PLEKHG1: variants seen among roughly 807,000 people sequenced by gnomAD.
PLEKHG1 encodes pleckstrin homology domain-containing family G member 1.
A neutral mutation model predicts 100.8 loss-of-function variants in PLEKHG1; 44 were observed. The ratio of observed to expected loss-of-function variants is 0.44; its 90% CI spans 0.34 to 0.56. PLEKHG1 has a LOEUF of 0.56. Among genes scored for constraint, PLEKHG1 ranks in the 20% least tolerant of loss-of-function variants. PLEKHG1 has a pLI of 0.01. For synonymous variants in PLEKHG1, 640 were observed against 662.5 expected, an observed-to-expected ratio of 0.97 and a Z score of 0.52; for missense variants, 1,545 against 1,720.9, an observed-to-expected ratio of 0.90 and a Z score of 1.81.
intron 3 of PLEKHG1, among the ~76,000 whole-genome samples, chr6:150,701,760 A>T (rs1780801576): frequency 6.6e-6 from 1 of 151,896 alleles, no homozygotes; most frequent in Non-Finnish European, 1.5e-5. Context: ...AAAAAACAAA[A>T]AAAAGAATAA....
intron 10 of PLEKHG1, among the ~76,000 whole-genome samples, 170 bp downstream of exon 11, chr6:150,809,904 A>AAAG (rs757836035): frequency 1.3e-5 from 2 of 151,608 alleles, no homozygotes; most frequent in African/African-American, 4.9e-5. Flanking sequence ...AAAAAAAAAA[A>AAAG]AGAGTTTAGA....
intron 3 of PLEKHG1, among the ~76,000 whole-genome samples, chr6:150,770,595 T>A (rs1485652481): frequency 6.6e-6 from 1 of 152,148 alleles, no homozygotes; most frequent in Non-Finnish European, 1.5e-5. Flanking sequence ...GTGTTTGGAA[T>A]GTGCAGCCAT....
intron 15 of PLEKHG1, among the ~76,000 whole-genome samples, chr6:150,832,681 CTT>C (rs66957918): frequency 2.4e-5 from 3 of 125,442 alleles, no homozygotes; most frequent in Admixed American, 8.9e-5. Flanking sequence ...TTTTTGCATA[CTT>C]TTTTTTTTTT....
intron 2 of PLEKHG1, among the ~76,000 whole-genome samples, chr6:150,766,457 G>C (rs1784458082): frequency 6.6e-6 from 1 of 152,220 alleles, no homozygotes; most frequent in South Asian, 2.1e-4. Flanking sequence ...TGCTGCCTTA[G>C]TTTTCAGGAG....
At chr6:150,704,166 C>T (rs9397343) in intron 3 of PLEKHG1, among the ~76,000 whole-genome samples, 4 of 152,054 alleles carry the variant, frequency 2.6e-5, no homozygotes, top group Non-Finnish European at 5.9e-5. Context: ...GTGAGGGGGG[C>T]GATGTTTGCT....
intron 7 of PLEKHG1, 33 bp from the exon 9 acceptor site, chr6:150,809,072 C>A: frequency 6.3e-7 from 1 of 1,588,080 alleles, no homozygotes; most frequent in South Asian, 1.1e-5. Context: ...GCTTCTGCCT[C>A]CTGTAAATGC....
At chr6:150,601,430 G>C (rs1042849216) in intron 1 of PLEKHG1, among the ~76,000 whole-genome samples, 1 of 152,126 alleles carries the variant, frequency 6.6e-6, no homozygotes, top group Non-Finnish European at 1.5e-5. Context: ...TAGCTTCTAC[G>C]GCCTCCTGCT....
At chr6:150,749,481 G>T (rs1207475235) in intron 2 of PLEKHG1, among the ~76,000 whole-genome samples, 1 of 152,156 alleles carries the variant, frequency 6.6e-6, no homozygotes, top group East Asian at 1.9e-4. Flanking sequence ...AGCAATCTGT[G>T]ACATTACCCT....
chr6:150,739,550 C>T (rs576985357), intron 2 of PLEKHG1, among the ~76,000 whole-genome samples: 1 of 151,994 alleles, frequency 6.6e-6, no homozygotes, highest in African/African-American at 2.4e-5. Flanking sequence ...TGCCTGTAGT[C>T]CCAGCCGCTT....
chr6:150,714,826 T>C (rs1226403770), intron 3 of PLEKHG1, among the ~76,000 whole-genome samples: 2 of 152,076 alleles, frequency 1.3e-5, no homozygotes, highest in Non-Finnish European at 2.9e-5. Flanking sequence ...TTTCTTTTTT[T>C]TTGAGACAGT....
Position 150,831,457 on chromosome 6 carries a change from G to T in PLEKHG1, c.2346G>T (p.Arg782Ser). The change falls in exon 15 of 16, where the codon AGG (arginine) becomes AGT (serine). Residue 782 changes from arginine to serine, a missense_variant. Transcript: ENST00000358517. The surrounding 1 kb of genome is among the most constrained non-coding windows in gnomAD (Gnocchi z 4.1). Reference sequence around the variant, plus strand: ...ACTTCGTGTGCTGTGACAGCCTGAGGCCATTTGTTTCCCAAGACAGCCTCC... The same window carrying T: ...ACTTCGTGTGCTGTGACAGCCTGAGTCCATTTGTTTCCCAAGACAGCCTCC... 6.2e-7 allele frequency: 1 copy of T among 1,614,142 alleles called. No individual in the cohort carries two copies. Among genetic ancestry groups the T allele is most frequent in the Non-Finnish European group, 8.5e-7 (1 of 1,180,030 alleles).
At chr6:150,636,024 G>A (rs1427453201) in intron 1 of PLEKHG1, among the ~76,000 whole-genome samples, 2 of 151,906 alleles carry the variant, frequency 1.3e-5, no homozygotes, top group Non-Finnish European at 2.9e-5. Context: ...TGAGTTGAAG[G>A]GTATGAAACA....
At chr6:150,622,995 T>C (rs892455202) in intron 1 of PLEKHG1, among the ~76,000 whole-genome samples, 15 of 151,502 alleles carry the variant, frequency 9.9e-5, no homozygotes, top group African/African-American at 3.6e-4. Context: ...TTGTGTCCAA[T>C]AGATATGGGT....
intron 1 of PLEKHG1, among the ~76,000 whole-genome samples, chr6:150,631,476 G>A (rs955602941): frequency 2.6e-5 from 4 of 152,218 alleles, no homozygotes; most frequent in African/African-American, 9.6e-5. Flanking sequence ...CAGCATGACA[G>A]CCACACCTTA....
intron 3 of PLEKHG1, among the ~76,000 whole-genome samples, chr6:150,674,742 G>A (rs531091238): frequency 6.9e-6 from 1 of 144,786 alleles, no homozygotes; most frequent in South Asian, 2.2e-4. Flanking sequence ...GAGTGCAGTG[G>A]CATGATTTCA....
At chr6:150,700,442 G>C (rs1029274678) in intron 3 of PLEKHG1, among the ~76,000 whole-genome samples, 14 of 134,326 alleles carry the variant, frequency 1.0e-4, no homozygotes, top group Admixed American at 9.4e-4. Flanking sequence ...GCAAGCCTCT[G>C]GGGGGACTCC....
chr6:150,771,014 C>T (rs1258275756), intron 3 of PLEKHG1, among the ~76,000 whole-genome samples: 1 of 152,192 alleles, frequency 6.6e-6, no homozygotes, highest in Non-Finnish European at 1.5e-5. Context: ...TGCCCTCCTG[C>T]CAGAGTGGAG....
chr6:150,739,289 G>A (rs188766427), intron 2 of PLEKHG1, among the ~76,000 whole-genome samples: 4 of 152,152 alleles, frequency 2.6e-5, no homozygotes, highest in East Asian at 3.9e-4. Flanking sequence ...TAATTACAAC[G>A]TGATTTTATC....
chr6:150,814,366 G>A (rs1399018631), intron 10 of PLEKHG1, among the ~76,000 whole-genome samples: 1 of 152,216 alleles, frequency 6.6e-6, no homozygotes, highest in Admixed American at 6.5e-5. Context: ...TGTGCCTCAG[G>A]AAGTTCCCTT....
Sources: allele counts gnomAD v4.1 joint callset (sites outside exome capture counted in the v4.1 genomes callset), GRCh38; gene constraint gnomAD v4.1.1; non-coding constraint Gnocchi (gnomAD v3.1); transcripts MANE v1.5; gene names NCBI Gene and HGNC (gene_info 2026-07-23, HGNC 2026-07-21).